The following ANO2 variants were observed in gnomAD, a reference collection of about 807,000 sequenced individuals.
ANO2 encodes the protein anoctamin-2.
ANO2 carries 101 observed loss-of-function variants against 124.2 expected under a neutral mutation model. The ratio of observed to expected loss-of-function variants is 0.81; its 90% CI spans 0.69 to 0.96. ANO2 has a LOEUF of 0.96. Among genes scored for constraint, ANO2 ranks in the 40% least tolerant of loss-of-function variants. The probability of loss-of-function intolerance (pLI) is 0.00; values close to 1 mark genes in which losing one functional copy is unlikely to be tolerated. For missense variants in ANO2, 1,293 were observed against 1,274.5 expected, an observed-to-expected ratio of 1.01 and a Z score of -0.22; for synonymous variants, 486 against 482.5, an observed-to-expected ratio of 1.01 and a Z score of -0.09.
intron 10 of ANO2, among the ~76,000 whole-genome samples, chr12:5,765,554 G>A (rs916890641): frequency 6.6e-6 from 1 of 152,220 alleles, no homozygotes; most frequent in Non-Finnish European, 1.5e-5. Flanking sequence ...ACCTGGGCAT[G>A]AATCTTGCCT....
chr12:5,584,137 C>CCT (rs1555088573), intron 20 of ANO2: 52 of 165,266 alleles, frequency 3.1e-4, no homozygotes, highest in African/African-American at 1.1e-3. Context: ...GAACACCCCC[C>CCT]CCCCGCCGCA....
intron 1 of ANO2, among the ~76,000 whole-genome samples, chr12:5,938,681 TG>T (rs1025165911): frequency 6.6e-6 from 1 of 151,978 alleles, no homozygotes; most frequent in Non-Finnish European, 1.5e-5. Context: ...AAAAATTAGC[TG>T]GGTGTGGTGG....
intron 4 of ANO2, among the ~76,000 whole-genome samples, chr12:5,834,385 G>A (rs917062358): frequency 6.6e-6 from 1 of 152,084 alleles, no homozygotes; most frequent in African/African-American, 2.4e-5. Flanking sequence ...TTCATACTTG[G>A]GCACCTGAAA....
At chr12:5,576,475 A>T (rs1050397974) in intron 22 of ANO2, among the ~76,000 whole-genome samples, 1 of 152,234 alleles carries the variant, frequency 6.6e-6, no homozygotes, top group Non-Finnish European at 1.5e-5. Flanking sequence ...CAAGAATATG[A>T]TTCCACAGTT....
In ANO2 at chr12:5,895,203, T is replaced by C. The variant is rs1939690370; in HGVS notation, c.534+25837A>G. ...TTGTAGTTGTCCATGAAGAGGTCCT[T>C]CACATCCCTTGTAAGTTGTATTCCT... On this transcript the variant is annotated intron_variant, in intron 3 of 24. Transcript: ENST00000682330. 2.6e-5 allele frequency among the ~76,000 whole-genome samples: 4 copies of C among 152,326 alleles called. No individual in the cohort carries two copies. The South Asian group carries it at 8.3e-4, about 32-fold the overall frequency.
At position 5,922,589 on chromosome 12, in the gene ANO2, T is replaced by TTCCC; in HGVS notation, c.207+30_207+31insGGGA. ...GGTGGCCTGCAACAGGGCTGGCCTA[T>TTCCC]CCCCCCACCCCACCCCCGCCCAGTA... On this transcript the variant is annotated intron_variant, in intron 2 of 24. Transcript: ENST00000682330. The TTCCC allele has an allele frequency of 3.2e-5, 47 of 1,449,782 alleles. No individual in the cohort carries two copies. The African/African-American group carries it at 5.4e-4, about 17-fold the overall frequency. The allele number at this position is 1,449,782 out of a possible 1,614,324, so 89.8% of individuals were successfully genotyped here.
chr12:5,763,358 T>C (rs1011366904), intron 10 of ANO2, among the ~76,000 whole-genome samples: 1 of 152,084 alleles, frequency 6.6e-6, no homozygotes, highest in Non-Finnish European at 1.5e-5. Context: ...ATAATGCTAT[T>C]AGTCATAATT....
In ANO2 at chr12:5,775,501, G is replaced by A. The variant is rs370934482; in HGVS notation, c.1055+24006C>T. Among the ~76,000 whole-genome samples, 139 of 136,464 alleles carry A rather than the reference G, an allele frequency of 1.0e-3. 2 individuals carry two copies. Among genetic ancestry groups the A allele is most frequent in the Middle Eastern group, 8.3e-3 (2 of 240 alleles). The allele number at this position is 136,464 out of a possible 152,430, so 89.5% of individuals were successfully genotyped here. On this transcript the variant is annotated intron_variant, in intron 10 of 24. Transcript: ENST00000682330. Reference sequence around the variant, plus strand: ...TTTTGAGATGGAGTCTCGCTCTGTCGCCCAGGCTGGAGTGCAGTGGCGCGA... The same window carrying A: ...TTTTGAGATGGAGTCTCGCTCTGTCACCCAGGCTGGAGTGCAGTGGCGCGA...
chr12:5,791,489 T>C (rs1259920566), intron 10 of ANO2, among the ~76,000 whole-genome samples: 2 of 152,074 alleles, frequency 1.3e-5, no homozygotes, highest in African/African-American at 4.8e-5. Flanking sequence ...CACACCATGG[T>C]TTTCCCTGGG....
intron 5 of ANO2, 76 bp downstream of exon 5, chr12:5,832,376 G>T: frequency 1.3e-6 from 2 of 1,557,836 alleles, no homozygotes; most frequent in South Asian, 1.2e-5. Context: ...GAGCCCCAGG[G>T]CTGAGTCATA....
At chr12:5,934,421 C>A (rs1942562292) in intron 1 of ANO2, among the ~76,000 whole-genome samples, 1 of 152,160 alleles carries the variant, frequency 6.6e-6, no homozygotes, top group African/African-American at 2.4e-5. Context: ...ACCCAAGATC[C>A]TAACAGTTAA....
At chr12:5,852,887 G>GTC (rs1010480582) in intron 4 of ANO2, among the ~76,000 whole-genome samples, 4 of 149,818 alleles carry the variant, frequency 2.7e-5, no homozygotes, top group Non-Finnish European at 4.4e-5. Flanking sequence ...GTGTGTGTGT[G>GTC]TGTGGTGTAT....
intron 1 of ANO2, among the ~76,000 whole-genome samples, chr12:5,933,364 G>A (rs982004971): frequency 6.6e-6 from 1 of 152,104 alleles, no homozygotes; most frequent in Non-Finnish European, 1.5e-5. Flanking sequence ...ATTCCACTCT[G>A]TTAACGAGGT....
At position 5,922,608 on chromosome 12, in the gene ANO2, C is replaced by CCCCCGAAAA; in HGVS notation, c.207+11_207+12insTTTTCGGGG. On this transcript the variant is annotated intron_variant, in intron 2 of 24. Coordinates refer to ENST00000682330, the MANE Select transcript of ANO2 (RefSeq NM_001364791.2). Reference sequence around the variant, plus strand: ...GGCCTATCCCCCCACCCCACCCCCGCCCAGTACTCACAGAGCTGCTGCGGG... The same window carrying CCCCCGAAAA: ...GGCCTATCCCCCCACCCCACCCCCGCCCCCGAAAACCAGTACTCACAGAGCTGCTGCGGG... 1 of 1,531,398 alleles carries CCCCCGAAAA rather than the reference C, an allele frequency of 6.5e-7. No homozygotes were observed. The highest frequency in any genetic ancestry group is 8.8e-7 in the Non-Finnish European group (1 of 1,142,000). 94.9% of individuals were successfully genotyped at this position (1,531,398 alleles called of 1,614,324 possible). A position where few individuals can be genotyped will look rare whatever the true frequency, so the allele number is the denominator to read the frequency against.
At chr12:5,835,950 T>C (rs1408204612) in intron 4 of ANO2, among the ~76,000 whole-genome samples, 1 of 152,212 alleles carries the variant, frequency 6.6e-6, no homozygotes, top group East Asian at 1.9e-4. Context: ...GCACTGAGAC[T>C]ATGGAGTTCA....
chr12:5,604,288 G>A (rs1011685912), intron 19 of ANO2, among the ~76,000 whole-genome samples: 1 of 152,148 alleles, frequency 6.6e-6, no homozygotes, highest in Admixed American at 6.5e-5. Flanking sequence ...AGGATGAGGA[G>A]GAGGAGGAGG....
intron 20 of ANO2, among the ~76,000 whole-genome samples, chr12:5,580,737 C>T (rs1942699019): frequency 6.6e-6 from 1 of 152,242 alleles, no homozygotes; most frequent in Non-Finnish European, 1.5e-5. Flanking sequence ...GAACTTTCCC[C>T]AGCCCAACTG....
chr12:5,601,475 T>C (rs971009145), intron 19 of ANO2, among the ~76,000 whole-genome samples: 2 of 152,058 alleles, frequency 1.3e-5, no homozygotes, highest in Non-Finnish European at 2.9e-5. Context: ...CTACAGATTC[T>C]GAAGCTAAAT....
chr12:5,922,589 T>A, intron 2 of ANO2, 31 bp downstream of exon 2: 2 of 1,449,812 alleles, frequency 1.4e-6, no homozygotes, highest in Non-Finnish European at 1.8e-6. Flanking sequence ...GGCTGGCCTA[T>A]CCCCCCACCC....
Sources: gnomAD v4.1 joint callset for allele counts (sites outside exome capture counted in the v4.1 genomes callset) on GRCh38, gnomAD v4.1.1 for gene constraint, MANE v1.5 for transcripts, NCBI Gene and HGNC (gene_info 2026-07-23, HGNC 2026-07-21) for gene names.